Variants in STARD10 observed in about 807,000 individuals in gnomAD.
STARD10 encodes the protein StAR related lipid transfer domain containing 10.
Under a neutral mutation model 36.0 loss-of-function variants are expected in STARD10, and 24 were observed. That is an observed-to-expected ratio of 0.67 (90% CI 0.48 to 0.94). STARD10 has a LOEUF of 0.94. STARD10 is among the 40% of genes least tolerant of loss of function. STARD10 has a pLI of 0.00. For synonymous variants in STARD10, 156 were observed against 161.9 expected (o/e 0.96, Z 0.28); for missense variants, 335 against 396.6 (o/e 0.84, Z 1.32).
At chr11:72,773,360 C>T (rs1018475270) in intron 2 of STARD10, among the ~76,000 whole-genome samples, 4 of 152,182 alleles carry the variant, frequency 2.6e-5, no homozygotes, top group Admixed American at 1.3e-4. Context: ...CCCCTGGAGG[C>T]AGGACAGGGG....
chr11:72,760,819 ATTTTT>A (rs35049596), intron 2 of STARD10, among the ~76,000 whole-genome samples: 1 of 146,150 alleles, frequency 6.8e-6, no homozygotes, highest in African/African-American at 2.5e-5. Flanking sequence ...TTGTTCTGTG[ATTTTT>A]TTTTTTTTTT....
Position 72,777,995 on chromosome 11 carries a change from A to T in STARD10, c.207+2980T>A, listed in dbSNP as rs117937202. Among the ~76,000 whole-genome samples the T allele has an allele frequency of 2.8e-3, 424 of 152,314 alleles. 14 individuals carry two copies. The East Asian group carries it at 0.072, about 26-fold the overall frequency. On this transcript the variant is annotated intron_variant, in intron 2 of 6. Coordinates refer to ENST00000334805, the MANE Select transcript of STARD10 (RefSeq NM_006645.3). ...CAGCAAACACCTGCAGTTGAGTCCC[A>T]GCCTCCTGGAGTGACCCAGTCATCC...
At chr11:72,769,117 G>A (rs185872449) in intron 2 of STARD10, among the ~76,000 whole-genome samples, 6 of 152,298 alleles carry the variant, frequency 3.9e-5, no homozygotes, top group East Asian at 1.9e-4. Flanking sequence ...GGCATGAGGC[G>A]TCAGAAATAC....
chr11:72,779,144 G>T (rs911041380), intron 2 of STARD10, among the ~76,000 whole-genome samples: 2 of 152,180 alleles, frequency 1.3e-5, no homozygotes, highest in African/African-American at 4.8e-5. Context: ...TGACTTTCTG[G>T]AGTGCCAGCT....
At chr11:72,755,775 G>A (rs1189590371) in intron 5 of STARD10, 22 bp from the exon 6 acceptor site, 2 of 1,603,638 alleles carry the variant, frequency 1.2e-6, no homozygotes, top group Non-Finnish European at 8.5e-7. Flanking sequence ...GGGAAGGGAG[G>A]AAGCAGCCTC....
intron 4 of STARD10, 94 bp from the exon 5 acceptor site, chr11:72,757,978 T>C (rs1274034439): frequency 9.6e-7 from 1 of 1,045,110 alleles, no homozygotes; most frequent in Non-Finnish European, 1.5e-6. Flanking sequence ...CACACACACA[T>C]ACAGTTAATT....
intron 2 of STARD10, chr11:72,780,710 C>G (rs374675585): frequency 2.3e-5 from 12 of 529,524 alleles, no homozygotes; most frequent in East Asian, 3.3e-5. Flanking sequence ...CAGCCCAGAT[C>G]CCTGGAACAG....
chr11:72,792,699 CA>C (rs1859162873), intron 1 of STARD10, among the ~76,000 whole-genome samples, 175 bp downstream of exon 1: 1 of 152,164 alleles, frequency 6.6e-6, no homozygotes, highest in Non-Finnish European at 1.5e-5. Context: ...CAGGCCAGCC[CA>C]GGTATCACCT....
intron 1 of STARD10, among the ~76,000 whole-genome samples, chr11:72,783,378 C>T (rs2135626789): frequency 6.6e-6 from 1 of 152,262 alleles, no homozygotes; most frequent in Middle Eastern, 3.4e-3. Flanking sequence ...TCACCCCATC[C>T]CTTCTAAACC....
chr11:72,755,586 C>T (rs1176650492), intron 6 of STARD10, 115 bp downstream of exon 6: 1 of 1,237,084 alleles, frequency 8.1e-7, no homozygotes, highest in Non-Finnish European at 1.2e-6. Flanking sequence ...GCTGGGATTA[C>T]AGGCATGAGC....
chr11:72,761,917 C>CTTTTTTTTTTTTTTTTT (rs1189000490), intron 2 of STARD10, among the ~76,000 whole-genome samples: 17 of 37,476 alleles, frequency 4.5e-4, no homozygotes, highest in Non-Finnish European at 6.2e-4. Flanking sequence ...CTTTTCTTTT[C>CTTTTTTTTTTTTTTTTT]TTTTTTTTTT....
rs955481613 is a variant in STARD10 at position 72,793,862 on chromosome 11, C to T, written c.-1101G>A. ...TTGTGGCCGCTCTGTCACCACGGCT[C>T]CCGGGGCCTCTGTCGGCTCCACTTT... is the stretch of plus-strand genomic sequence containing the variant. On this transcript the variant is annotated 5_prime_UTR_variant, in exon 1 of 7. Coordinates refer to ENST00000334805, the MANE Select transcript of STARD10 (RefSeq NM_006645.3). 1 of 152,276 alleles carries T rather than the reference C, an allele frequency of 6.6e-6. No homozygotes were observed. The allele number at this position is 152,276 out of a possible 1,614,324, so 9.4% of individuals were successfully genotyped here.
chr11:72,770,128 G>A (rs1246215121), intron 2 of STARD10, among the ~76,000 whole-genome samples: 3 of 152,182 alleles, frequency 2.0e-5, no homozygotes, highest in Non-Finnish European at 4.4e-5. Context: ...GGGAACTGAG[G>A]CTCCGGATGA....
At chr11:72,777,829 G>A (rs1858945802) in intron 2 of STARD10, among the ~76,000 whole-genome samples, 3 of 152,240 alleles carry the variant, frequency 2.0e-5, no homozygotes, top group Admixed American at 1.3e-4. Flanking sequence ...GAATCAGGTA[G>A]ATAGCTAGGT....
intron 1 of STARD10, among the ~76,000 whole-genome samples, chr11:72,790,141 C>T (rs73545310): frequency 0.015 from 2,211 of 152,356 alleles, 51 homozygotes; most frequent in African/African-American, 0.051. Flanking sequence ...CCTTCCCTTA[C>T]CTCTCCATCT....
intron 2 of STARD10, among the ~76,000 whole-genome samples, chr11:72,769,973 C>G (rs1044582689): frequency 1.3e-5 from 2 of 152,164 alleles, no homozygotes; most frequent in African/African-American, 2.4e-5. Context: ...ATTAATAATT[C>G]TGTAGCAATA....
chr11:72,785,609 T>G lies in STARD10; in HGVS notation c.-113-4315A>C, dbSNP rs1156716567. On this transcript the variant is annotated intron_variant, in intron 1 of 6. Coordinates refer to ENST00000334805, the MANE Select transcript of STARD10 (RefSeq NM_006645.3). The stretch of plus-strand genomic sequence containing the variant: ...AAAAGGGAATAAGAACCTGGGCCTC[T>G]CAGCTCCTAACCTGAGGGTCCTGTT... Among the ~76,000 whole-genome samples, 31 of 138,510 alleles carry G rather than the reference T, an allele frequency of 2.2e-4. No homozygotes were observed. The Admixed American group carries it at 2.2e-3, about 10-fold the overall frequency. The allele number at this position is 138,510 out of a possible 152,430, so 90.9% of individuals were successfully genotyped here.
In STARD10 at chr11:72,755,649, A is replaced by C. The variant is rs773381403; in HGVS notation, c.630+52T>G. 40 of 1,596,950 alleles carry C rather than the reference A, an allele frequency of 2.5e-5. No individual in the cohort carries two copies. In the East Asian group the frequency reaches 8.9e-4, roughly 36 times the overall value. On this transcript the variant is annotated intron_variant, in intron 6 of 6. Transcript: ENST00000334805. ...CTTGACTCCACCCACCTCATTCCATAGTCCTCTTTCCAGTCTTCAACACCC... is the reference window on the plus strand; with the variant it reads ...CTTGACTCCACCCACCTCATTCCATCGTCCTCTTTCCAGTCTTCAACACCC...
chr11:72,756,584 G>A (rs369157310), intron 5 of STARD10, among the ~76,000 whole-genome samples: 1 of 152,124 alleles, frequency 6.6e-6, no homozygotes, highest in African/African-American at 2.4e-5. Context: ...CTGGAGGGGC[G>A]AGGAGGGGAG....
Sources: gnomAD v4.1 joint callset for allele counts (sites outside exome capture counted in the v4.1 genomes callset) on GRCh38, gnomAD v4.1.1 for gene constraint, MANE v1.5 for transcripts, NCBI Gene and HGNC (gene_info 2026-07-23, HGNC 2026-07-21) for gene names.